Variants in DLG2 observed in about 807,000 individuals in gnomAD.
DLG2 encodes disks large homolog 2.
Under a neutral mutation model 132.5 loss-of-function variants are expected in DLG2, and 45 were observed. The ratio of observed to expected loss-of-function variants is 0.34; its 90% CI spans 0.27 to 0.44. The LOEUF (loss-of-function observed/expected upper bound fraction) is 0.44. Among genes scored for constraint, DLG2 ranks in the 20% least tolerant of loss-of-function variants. DLG2 has a pLI of 1.00. For missense variants in DLG2, 1,045 were observed against 1,196.9 expected (o/e 0.87, Z 1.87); for synonymous variants, 424 against 419.6 (o/e 1.01, Z -0.13).
chr11:84,207,112 C>A (rs959868352), intron 8 of DLG2, among the ~76,000 whole-genome samples: 1 of 150,898 alleles, frequency 6.6e-6, no homozygotes, highest in African/African-American at 2.4e-5. Context: ...TATATGACTA[C>A]TCCTACACTG....
At chr11:84,534,428 C>T in intron 7 of DLG2, 142 bp downstream of exon 7, 2 of 743,946 alleles carry the variant, frequency 2.7e-6, no homozygotes, top group Non-Finnish European at 4.4e-6. Context: ...GCCTCCAATG[C>T]ACAAGAAAGA....
intron 10 of DLG2, among the ~76,000 whole-genome samples, chr11:84,060,492 C>T (rs192868242): frequency 2.0e-5 from 3 of 150,828 alleles, no homozygotes; most frequent in Non-Finnish European, 4.4e-5. Flanking sequence ...TAGGTGCTTA[C>T]TTTGAAAACT....
intron 9 of DLG2, among the ~76,000 whole-genome samples, chr11:84,109,282 C>G (rs906190689): frequency 6.6e-6 from 1 of 152,076 alleles, no homozygotes; most frequent in African/African-American, 2.4e-5. Flanking sequence ...CTACTTTGGT[C>G]CCCACAACTG....
intron 2 of DLG2, among the ~76,000 whole-genome samples, chr11:85,601,370 T>C (rs943398003): frequency 6.6e-6 from 1 of 151,878 alleles, no homozygotes; most frequent in Admixed American, 6.6e-5. Context: ...AGATGGAGTC[T>C]CACTTTGTTG....
intron 3 of DLG2, among the ~76,000 whole-genome samples, chr11:85,419,783 G>A (rs1394580701): frequency 6.6e-6 from 1 of 152,118 alleles, no homozygotes; most frequent in East Asian, 1.9e-4. Context: ...AGCTCCATTA[G>A]GTAATTTATG....
intron 4 of DLG2, among the ~76,000 whole-genome samples, chr11:85,237,889 C>T (rs2075670736): frequency 6.6e-6 from 1 of 152,026 alleles, no homozygotes; most frequent in Non-Finnish European, 1.5e-5. Flanking sequence ...TCATCTTTTC[C>T]CTTCAAAGCA....
chr11:84,585,727 A>G (rs1443964999), intron 6 of DLG2, among the ~76,000 whole-genome samples: 1 of 152,198 alleles, frequency 6.6e-6, no homozygotes, highest in Non-Finnish European at 1.5e-5. Context: ...ATTAACTCCT[A>G]TGTAACTTAT....
intron 4 of DLG2, among the ~76,000 whole-genome samples, chr11:85,222,790 C>T (rs2074734963): frequency 6.6e-6 from 1 of 152,150 alleles, no homozygotes; most frequent in Admixed American, 6.5e-5. Context: ...ACCACATTGC[C>T]TTCTGAGATT....
At chr11:84,638,033 G>A (rs2099643693) in intron 6 of DLG2, among the ~76,000 whole-genome samples, 2 of 152,354 alleles carry the variant, frequency 1.3e-5, no homozygotes, top group South Asian at 4.1e-4. Context: ...GAGCTGGAAT[G>A]AAAACGTGTT....
intron 8 of DLG2, among the ~76,000 whole-genome samples, chr11:84,195,724 C>A (rs370700129): frequency 6.6e-6 from 1 of 152,192 alleles, no homozygotes; most frequent in Non-Finnish European, 1.5e-5. Context: ...CACTTCCACA[C>A]GAAACTTCTG....
At chr11:83,514,590 A>T (rs1479325775) in intron 21 of DLG2, among the ~76,000 whole-genome samples, 2 of 152,026 alleles carry the variant, frequency 1.3e-5, no homozygotes, top group African/African-American at 4.8e-5. Context: ...GTGAGAGAAG[A>T]CATCCCTGTC....
At chr11:84,661,034 T>C (rs1276078766) in intron 6 of DLG2, among the ~76,000 whole-genome samples, 3 of 152,214 alleles carry the variant, frequency 2.0e-5, no homozygotes, top group African/African-American at 7.2e-5. Flanking sequence ...TTAAAGTTAG[T>C]GTGCAAAATT....
chr11:84,314,185 A>C (rs1043550575), intron 7 of DLG2, among the ~76,000 whole-genome samples: 2 of 152,226 alleles, frequency 1.3e-5, no homozygotes, highest in Non-Finnish European at 2.9e-5. Flanking sequence ...CCAGATGCTT[A>C]ACAACTCTCT....
chr11:85,136,495 G>A (rs2076153162), intron 5 of DLG2, among the ~76,000 whole-genome samples: 1 of 151,624 alleles, frequency 6.6e-6, no homozygotes. Context: ...TTTTTTAACA[G>A]ACACAGTGCT....
intron 21 of DLG2, among the ~76,000 whole-genome samples, chr11:83,499,012 A>G (rs1418481725): frequency 1.3e-5 from 2 of 152,160 alleles, no homozygotes; most frequent in Non-Finnish European, 2.9e-5. Flanking sequence ...TCAAGAAAAA[A>G]TTAAAACGCA....
intron 3 of DLG2, among the ~76,000 whole-genome samples, chr11:85,476,848 C>CT (rs1195294174): frequency 2.0e-5 from 3 of 151,140 alleles, no homozygotes; most frequent in Non-Finnish European, 4.4e-5. Flanking sequence ...GTTCAGTTAA[C>CT]TTTTTTTTTA....
chr11:85,602,583 C>T (rs1285004590), intron 2 of DLG2, among the ~76,000 whole-genome samples: 4 of 152,084 alleles, frequency 2.6e-5, no homozygotes, highest in Non-Finnish European at 5.9e-5. Flanking sequence ...TGAGGTCTCA[C>T]TATGTTGCCC....
chr11:84,089,360 C>T (rs2097050557), intron 10 of DLG2, among the ~76,000 whole-genome samples: 1 of 152,170 alleles, frequency 6.6e-6, no homozygotes, highest in African/African-American at 2.4e-5. Flanking sequence ...GATTACCAAT[C>T]ATTTTTCTTC....
chr11:84,299,765 C>T (rs1369901696), intron 7 of DLG2, among the ~76,000 whole-genome samples: 5 of 152,302 alleles, frequency 3.3e-5, no homozygotes, highest in Admixed American at 6.5e-5. Context: ...CTTTCCTCAA[C>T]GTACTTACAG....
Sources: allele counts gnomAD v4.1 joint callset (sites outside exome capture counted in the v4.1 genomes callset), GRCh38; gene constraint gnomAD v4.1.1; transcripts MANE v1.5; gene names NCBI Gene and HGNC (gene_info 2026-07-23, HGNC 2026-07-21).